The following AGPAT3 variants were observed in gnomAD, a reference collection of about 807,000 sequenced individuals.
AGPAT3 encodes 1-acyl-sn-glycerol-3-phosphate acyltransferase gamma.
A neutral mutation model predicts 47.3 loss-of-function variants in AGPAT3; 5 were observed. That is an observed-to-expected ratio of 0.11 (90% CI 0.06 to 0.22). The LOEUF (loss-of-function observed/expected upper bound fraction) is 0.22, where lower values mean the gene tolerates loss of function less well. AGPAT3 is among the 10% of genes least tolerant of loss of function. The pLI, the probability that AGPAT3 is intolerant of heterozygous loss-of-function variation, is 1.00. For missense variants in AGPAT3, 315 were observed against 493.0 expected (o/e 0.64, Z 3.42); for synonymous variants, 212 against 208.3 (o/e 1.02, Z -0.15).
At chr21:43,887,800 G>A (rs972043031) in intron 1 of AGPAT3, among the ~76,000 whole-genome samples, 5 of 151,874 alleles carry the variant, frequency 3.3e-5, no homozygotes, top group African/African-American at 9.7e-5. Context: ...GACTATAGGC[G>A]CCCGCCATCA....
intron 7 of AGPAT3, among the ~76,000 whole-genome samples, chr21:43,972,104 G>A (rs2089422370): frequency 6.6e-6 from 1 of 152,154 alleles, no homozygotes; most frequent in African/African-American, 2.4e-5. Context: ...GGACCGCAGT[G>A]TCTGAAGGAG....
intron 2 of AGPAT3, among the ~76,000 whole-genome samples, chr21:43,909,720 G>T (rs917731958): frequency 6.6e-6 from 1 of 152,168 alleles, no homozygotes; most frequent in African/African-American, 2.4e-5. Context: ...CTCTGCCCTC[G>T]TTGCAGGAGA....
chr21:43,918,141 T>TGGAGTTGTGGGTGTTGTG (rs1227470234), intron 2 of AGPAT3, among the ~76,000 whole-genome samples: 3 of 132,680 alleles, frequency 2.3e-5, no homozygotes, highest in Non-Finnish European at 3.3e-5. Flanking sequence ...TTGTGGGTGT[T>TGGAGTTGTGGGTGTTGTG]GGAGTTGTGG....
intron 4 of AGPAT3, 106 bp downstream of exon 4, chr21:43,968,221 A>C: frequency 8.1e-6 from 3 of 368,794 alleles, no homozygotes; most frequent in Non-Finnish European, 1.2e-5. Context: ...GGGTCCCTGC[A>C]GGGCTGGGGG....
chr21:43,889,714 A>G (rs2086059793), intron 1 of AGPAT3, among the ~76,000 whole-genome samples: 1 of 152,204 alleles, frequency 6.6e-6, no homozygotes, highest in South Asian at 2.1e-4. Flanking sequence ...GCTATACTGT[A>G]GTCTGTTAAG....
At chr21:43,928,320 A>G (rs1385830500) in intron 2 of AGPAT3, among the ~76,000 whole-genome samples, 1 of 152,202 alleles carries the variant, frequency 6.6e-6, no homozygotes, top group Non-Finnish European at 1.5e-5. Flanking sequence ...AGAAACGCTG[A>G]CACAGCGTTA....
chr21:43,899,402 A>G (rs2086299855), intron 1 of AGPAT3, among the ~76,000 whole-genome samples: 1 of 152,232 alleles, frequency 6.6e-6, no homozygotes, highest in Non-Finnish European at 1.5e-5. Context: ...TTGTGCTACA[A>G]AGGACACCAT....
Position 43,952,604 on chromosome 21 carries a change from G to A in AGPAT3, c.-48-7030G>A, listed in dbSNP as rs531023263. Among the ~76,000 whole-genome samples the A allele has an allele frequency of 1.3e-5, 2 of 152,312 alleles. No individual in the cohort carries two copies. The highest frequency in any genetic ancestry group is 2.1e-4 in the South Asian group (1 of 4,822). On this transcript the variant is annotated intron_variant, in intron 2 of 9. Coordinates refer to ENST00000291572, the MANE Select transcript of AGPAT3 (RefSeq NM_020132.5). The surrounding 1 kb of genome is among the most constrained non-coding windows in gnomAD (Gnocchi z 5.6). ...ACAAAACCCAAGAAGCAGCCATCACGCCCCAGGACCAAGATGTGCTGGCGC... is the reference window on the plus strand; with the variant it reads ...ACAAAACCCAAGAAGCAGCCATCACACCCCAGGACCAAGATGTGCTGGCGC...
At chr21:43,895,418 C>T (rs188612602) in intron 1 of AGPAT3, among the ~76,000 whole-genome samples, 1 of 151,884 alleles carries the variant, frequency 6.6e-6, no homozygotes, top group Admixed American at 6.6e-5. Context: ...CTGTTATCAG[C>T]ATTTTACAAT....
At chr21:43,980,479 GCTC>G (rs1410666147) in intron 8 of AGPAT3, among the ~76,000 whole-genome samples, 1 of 152,216 alleles carries the variant, frequency 6.6e-6, no homozygotes, top group Non-Finnish European at 1.5e-5. Context: ...CCCTGGCCAG[GCTC>G]CTCTCTCCTC....
chr21:43,953,351 G>A (rs1288773920), intron 2 of AGPAT3, among the ~76,000 whole-genome samples: 1 of 152,220 alleles, frequency 6.6e-6, no homozygotes, highest in Non-Finnish European at 1.5e-5. Context: ...CATTTCTTGG[G>A]TGTGCTCATG....
intron 2 of AGPAT3, among the ~76,000 whole-genome samples, chr21:43,914,529 GTTTTT>G (rs950147709): frequency 2.0e-5 from 3 of 151,106 alleles, no homozygotes; most frequent in African/African-American, 7.3e-5. Flanking sequence ...CCATGTAGAG[GTTTTT>G]TTTGTTTTGT....
rs536547781 is a variant in AGPAT3, at chr21:43,954,059, G to A, written c.-48-5575G>A. On this transcript the variant is annotated intron_variant, in intron 2 of 9. Coordinates refer to ENST00000291572, the MANE Select transcript of AGPAT3 (RefSeq NM_020132.5). This position sits in a 1 kb window ranked among gnomAD's most constrained non-coding sequence, Gnocchi z 4.0. Reference sequence around the variant, plus strand: ...TAGACGTCAACTTCACATTGTCTGGGGATGCATAATTTCCTAAAAATCGCT... The same window carrying A: ...TAGACGTCAACTTCACATTGTCTGGAGATGCATAATTTCCTAAAAATCGCT... Among the ~76,000 whole-genome samples, 1 of 152,344 alleles carries A rather than the reference G, an allele frequency of 6.6e-6. No individual in the cohort carries two copies. Among genetic ancestry groups the A allele is most frequent in the South Asian group, 2.1e-4 (1 of 4,826 alleles).
chr21:43,902,635 C>A (rs2086384875), intron 1 of AGPAT3, among the ~76,000 whole-genome samples: 1 of 152,166 alleles, frequency 6.6e-6, no homozygotes, highest in South Asian at 2.1e-4. Context: ...TTTTGAGGCT[C>A]CTCCCTCTTG....
chr21:43,977,741 G>C lies in AGPAT3; in HGVS notation c.768-305G>C, dbSNP rs1171283278. On this transcript the variant is annotated intron_variant, in intron 7 of 9. Transcript: ENST00000291572. The stretch of plus-strand genomic sequence containing the variant: ...AAAAAAATACAAAGAAAAAAAATTA[G>C]CTGGGCGTGGTGGCGCATGCCTGTA... Among the ~76,000 whole-genome samples, 4 of 152,164 alleles carry C rather than the reference G, an allele frequency of 2.6e-5. No homozygotes were observed. In the East Asian group the frequency reaches 7.7e-4, roughly 29 times the overall value.
chr21:43,881,351 G>A (rs1444459454), intron 1 of AGPAT3, among the ~76,000 whole-genome samples: 1 of 152,218 alleles, frequency 6.6e-6, no homozygotes, highest in Non-Finnish European at 1.5e-5. Flanking sequence ...AAGGGTTGGT[G>A]AAGCTGAAAA....
chr21:43,954,204 C>G lies in AGPAT3; in HGVS notation c.-48-5430C>G, dbSNP rs1323682013. 2.0e-5 allele frequency among the ~76,000 whole-genome samples: 3 copies of G among 152,182 alleles called. No homozygotes were observed. The highest frequency in any genetic ancestry group is 7.2e-5 in the African/African-American group (3 of 41,446). On this transcript the variant is annotated intron_variant, in intron 2 of 9. Coordinates refer to ENST00000291572, the MANE Select transcript of AGPAT3 (RefSeq NM_020132.5). This position sits in a 1 kb window ranked among gnomAD's most constrained non-coding sequence, Gnocchi z 4.0. The stretch of plus-strand genomic sequence containing the variant: ...GGAGGCGGGGACCGGTGTGGCCAAG[C>G]AGGGCACCTTCCTCACCGTCACCCT...
intron 2 of AGPAT3, among the ~76,000 whole-genome samples, chr21:43,940,262 A>G (rs1601366137): frequency 6.6e-6 from 1 of 152,196 alleles, no homozygotes. Flanking sequence ...CTGAGCAGCT[A>G]CCCGGCCTGC....
intron 1 of AGPAT3, among the ~76,000 whole-genome samples, chr21:43,882,926 T>C (rs1426390799): frequency 6.6e-6 from 1 of 152,240 alleles, no homozygotes; most frequent in Non-Finnish European, 1.5e-5. Flanking sequence ...TCACTTGTCC[T>C]GTGGGGCCAC....
Sources: allele counts gnomAD v4.1 joint callset (sites outside exome capture counted in the v4.1 genomes callset), GRCh38; gene constraint gnomAD v4.1.1; non-coding constraint Gnocchi (gnomAD v3.1); transcripts MANE v1.5; gene names NCBI Gene and HGNC (gene_info 2026-07-23, HGNC 2026-07-21).